LDLRAD4: variants seen among roughly 807,000 people sequenced by gnomAD.
The protein encoded by LDLRAD4 is low density lipoprotein receptor class A domain containing 4.
A neutral mutation model predicts 17.0 loss-of-function variants in LDLRAD4; 5 were observed. The ratio of observed to expected loss-of-function variants is 0.29; its 90% confidence interval spans 0.15 to 0.62. LDLRAD4 has a LOEUF of 0.62. Among genes scored for constraint, LDLRAD4 ranks in the 20% least tolerant of loss-of-function variants. The pLI, the probability that LDLRAD4 is intolerant of heterozygous loss-of-function variation, is 0.84. For synonymous variants in LDLRAD4, 168 were observed against 171.8 expected, an observed-to-expected ratio of 0.98 and a Z score of 0.17; for missense variants, 340 against 424.7, an observed-to-expected ratio of 0.80 and a Z score of 1.75.
At chr18:13,620,912 G>A (rs917807551) in intron 3 of LDLRAD4, 9 of 664,468 alleles carry the variant, frequency 1.4e-5, no homozygotes, top group African/African-American at 5.4e-5. Context: ...CCCGCTCCCC[G>A]CAGCTGGTTT....
intron 3 of LDLRAD4, among the ~76,000 whole-genome samples, chr18:13,607,860 G>A (rs528813344): frequency 2.6e-5 from 4 of 152,282 alleles, no homozygotes; most frequent in African/African-American, 9.6e-5. Flanking sequence ...GGGTGTTCGG[G>A]TTCTTTCCAA....
chr18:13,343,644 T>C (rs369599932), intron 1 of LDLRAD4, among the ~76,000 whole-genome samples: 1 of 152,214 alleles, frequency 6.6e-6, no homozygotes, highest in South Asian at 2.1e-4. Context: ...TCTAGATCCC[T>C]GAGGAATCGC....
chr18:13,500,345 C>A (rs1272884923), intron 3 of LDLRAD4, among the ~76,000 whole-genome samples: 1 of 152,236 alleles, frequency 6.6e-6, no homozygotes, highest in Admixed American at 6.5e-5. Context: ...CTGTGCGGGA[C>A]AGTGGCCGCG....
At chr18:13,642,401 T>C (rs2042655026) in intron 4 of LDLRAD4, 3 of 1,091,246 alleles carry the variant, frequency 2.7e-6, no homozygotes, top group Non-Finnish European at 3.3e-6. Flanking sequence ...ACGCGTACTT[T>C]TTTTCCCAGC....
At chr18:13,492,596 C>T (rs1032508011) in intron 3 of LDLRAD4, among the ~76,000 whole-genome samples, 1 of 152,154 alleles carries the variant, frequency 6.6e-6, no homozygotes, top group Non-Finnish European at 1.5e-5. Flanking sequence ...ATTGTCAGAC[C>T]CTACTCAGGA....
chr18:13,272,291 C>T (rs1437526565), intron 1 of LDLRAD4, among the ~76,000 whole-genome samples: 5 of 152,144 alleles, frequency 3.3e-5, no homozygotes, highest in African/African-American at 4.8e-5. Context: ...AGAGGGTTGT[C>T]GTGGGACTCA....
chr18:13,313,671 G>A (rs2080775415), intron 1 of LDLRAD4, among the ~76,000 whole-genome samples: 1 of 152,196 alleles, frequency 6.6e-6, no homozygotes, highest in South Asian at 2.1e-4. Flanking sequence ...ACCTATTGAT[G>A]TACTGCGTTT....
intron 3 of LDLRAD4, among the ~76,000 whole-genome samples, chr18:13,448,011 G>A (rs891229531): frequency 1.3e-5 from 2 of 152,202 alleles, no homozygotes; most frequent in South Asian, 2.1e-4. Context: ...GGGAGAGGGG[G>A]TGCTAAGAGA....
chr18:13,233,073 G>C (rs889225933), intron 1 of LDLRAD4, among the ~76,000 whole-genome samples: 1 of 152,238 alleles, frequency 6.6e-6, no homozygotes, highest in African/African-American at 2.4e-5. Flanking sequence ...GATGGCAGAG[G>C]ATCTGCTTGT....
chr18:13,295,634 A>G (rs757629149), intron 1 of LDLRAD4, among the ~76,000 whole-genome samples: 6 of 152,234 alleles, frequency 3.9e-5, no homozygotes, highest in African/African-American at 7.2e-5. Context: ...TGACTGAGCT[A>G]TGATGGTGGT....
chr18:13,258,431 G>T (rs1444898336), intron 1 of LDLRAD4, among the ~76,000 whole-genome samples: 2 of 152,080 alleles, frequency 1.3e-5, no homozygotes. Flanking sequence ...GGACGATGGT[G>T]AAAACACTTG....
In LDLRAD4 at chr18:13,364,444, C is replaced by T. The variant is rs564263364; in HGVS notation, c.-382-22897C>T. Among the ~76,000 whole-genome samples, 13 of 152,200 alleles carry T rather than the reference C, an allele frequency of 8.5e-5. No individual in the cohort carries two copies. The South Asian group carries it at 2.3e-3, about 27-fold the overall frequency. Reference sequence around the variant, plus strand: ...CCTCAAACTCCTGGGCTCAAGCGATCCTCCTGCCTCAGCCTCCCGAGTAGC... The same window carrying T: ...CCTCAAACTCCTGGGCTCAAGCGATTCTCCTGCCTCAGCCTCCCGAGTAGC... On this transcript the variant is annotated intron_variant, in intron 1 of 5. Transcript: ENST00000359446.
intron 3 of LDLRAD4, among the ~76,000 whole-genome samples, chr18:13,463,102 C>A (rs577702603): frequency 2.0e-5 from 3 of 152,256 alleles, no homozygotes; most frequent in Admixed American, 2.0e-4. Flanking sequence ...ATTGGTGACC[C>A]CTGAAGATGC....
intron 1 of LDLRAD4, among the ~76,000 whole-genome samples, chr18:13,386,631 A>G (rs1308670471): frequency 6.6e-6 from 1 of 152,186 alleles, no homozygotes; most frequent in Non-Finnish European, 1.5e-5. Context: ...CGGCCTCCCA[A>G]ATTGCTGGGA....
intron 4 of LDLRAD4, among the ~76,000 whole-genome samples, chr18:13,639,859 A>G (rs1188164658): frequency 6.6e-6 from 1 of 152,224 alleles, no homozygotes; most frequent in Non-Finnish European, 1.5e-5. Context: ...TAAAGCTGGA[A>G]AAAACTGGTG....
chr18:13,553,357 T>C (rs1395565241), intron 3 of LDLRAD4, among the ~76,000 whole-genome samples: 1 of 152,198 alleles, frequency 6.6e-6, no homozygotes, highest in Non-Finnish European at 1.5e-5. Flanking sequence ...TTTGGGTGTC[T>C]AGACACTGGT....
chr18:13,514,924 A>G (rs1648588), intron 3 of LDLRAD4: 96,148 of 152,102 alleles, frequency 0.63, 31,023 homozygotes, highest in South Asian at 0.73. Context: ...CAAGCCCTGG[A>G]CTGTAACATC....
At chr18:13,410,537 A>C (rs555915643) in intron 2 of LDLRAD4, among the ~76,000 whole-genome samples, 2 of 152,318 alleles carry the variant, frequency 1.3e-5, no homozygotes. Context: ...TTTAATTGAC[A>C]TTCAGTTTTG....
At chr18:13,462,198 CA>C in intron 3 of LDLRAD4, 1 of 152,282 alleles carries the variant, frequency 6.6e-6, no homozygotes, top group Non-Finnish European at 1.5e-5. Context: ...TCACTGGCCT[CA>C]AAAAAGCAGG....
Sources: gnomAD v4.1 joint callset for allele counts (sites outside exome capture counted in the v4.1 genomes callset) on GRCh38, gnomAD v4.1.1 for gene constraint, MANE v1.5 for transcripts, NCBI Gene and HGNC (gene_info 2026-07-23, HGNC 2026-07-21) for gene names.